Variants in PRKCH observed in about 807,000 individuals in gnomAD.
The protein encoded by PRKCH is protein kinase C eta.
PRKCH carries 28 observed loss-of-function variants against 82.5 expected under a neutral mutation model. That is an observed-to-expected ratio of 0.34 (90% CI 0.25 to 0.47). The LOEUF (loss-of-function observed/expected upper bound fraction) is 0.47. Among genes scored for constraint, PRKCH ranks in the 20% least tolerant of loss-of-function variants. PRKCH has a pLI of 1.00. For synonymous variants in PRKCH, 322 were observed against 327.4 expected (o/e 0.98, Z 0.18); for missense variants, 705 against 881.8 (o/e 0.80, Z 2.54).
At chr14:61,334,751 TA>T (rs1168834613) in intron 1 of PRKCH, among the ~76,000 whole-genome samples, 5 of 152,204 alleles carry the variant, frequency 3.3e-5, no homozygotes, top group Non-Finnish European at 5.9e-5. Context: ...AAAATGGTGC[TA>T]ATGTTTGCTA....
At chr14:61,363,851 G>A (rs1214876010) in intron 1 of PRKCH, among the ~76,000 whole-genome samples, 1 of 151,466 alleles carries the variant, frequency 6.6e-6, no homozygotes, top group Non-Finnish European at 1.5e-5. Context: ...AATGGGTCTG[G>A]AGGTAGAATC....
chr14:61,389,944 C>A (rs1303485115), intron 1 of PRKCH, among the ~76,000 whole-genome samples: 2 of 152,176 alleles, frequency 1.3e-5, no homozygotes, highest in African/African-American at 4.8e-5. Flanking sequence ...AGTGAAACTT[C>A]TCTATATGCC....
intron 2 of PRKCH, among the ~76,000 whole-genome samples, chr14:61,433,061 A>G (rs1441918863): frequency 2.9e-5 from 4 of 138,990 alleles, no homozygotes; most frequent in Non-Finnish European, 4.7e-5. Context: ...AAAAAAAAAA[A>G]CTATCAAAAA....
intron 1 of PRKCH, chr14:61,279,934 C>A: frequency 1.5e-6 from 1 of 671,070 alleles, no homozygotes; most frequent in Non-Finnish European, 2.5e-6. Flanking sequence ...AGCAGCCCCC[C>A]AAGAGCAAGG....
In PRKCH at chr14:61,264,269, C is replaced by G. The variant is rs189957984; in HGVS notation, c.-19+76601C>G. On this transcript the variant is annotated intron_variant, in intron 1 of 3. Coordinates refer to the PRKCH transcript ENST00000555185. ...TTTTATGTTAAACTTTATAATTTTA[C>G]AGTAGTTTAAGTTTACAGGGTTTGC... is the stretch of plus-strand genomic sequence containing the variant. Among the ~76,000 whole-genome samples the G allele has an allele frequency of 6.2e-4, 95 of 152,264 alleles. 3 individuals are homozygous for G. Among genetic ancestry groups the G allele is most frequent in the Non-Finnish European group, 8.8e-5 (6 of 68,018 alleles).
chr14:61,532,333 T>C (rs1375146567), intron 12 of PRKCH, among the ~76,000 whole-genome samples: 3 of 152,218 alleles, frequency 2.0e-5, no homozygotes, highest in Non-Finnish European at 1.5e-5. Context: ...AAAGTCAGTC[T>C]ATGCCTCAAT....
At chr14:61,276,691 A>G (rs1228495379) in intron 1 of PRKCH, among the ~76,000 whole-genome samples, 1 of 56,714 alleles carries the variant, frequency 1.8e-5, no homozygotes, top group African/African-American at 6.9e-5. Context: ...ATGCCCTTGG[A>G]CTTCTTATAT....
intron 9 of PRKCH, among the ~76,000 whole-genome samples, chr14:61,478,227 G>A (rs1056767195): frequency 1.4e-4 from 21 of 152,196 alleles, no homozygotes; most frequent in African/African-American, 5.1e-4. Flanking sequence ...AAACCTGTGA[G>A]TTGGGTTGTC....
At chr14:61,226,948 G>A (rs758156045) in intron 1 of PRKCH, among the ~76,000 whole-genome samples, 1 of 152,006 alleles carries the variant, frequency 6.6e-6, no homozygotes, top group African/African-American at 2.4e-5. Flanking sequence ...CCACTCCTAG[G>A]CTTTTCACAG....
chr14:61,303,679 A>G (rs1166056905), intron 1 of PRKCH: 1 of 151,914 alleles, frequency 6.6e-6, no homozygotes, highest in East Asian at 1.9e-4. Flanking sequence ...TATATTTAAT[A>G]TAATTATTGA....
chr14:61,261,988 G>C (rs973276840), intron 1 of PRKCH, among the ~76,000 whole-genome samples: 1 of 152,120 alleles, frequency 6.6e-6, no homozygotes, highest in Middle Eastern at 3.4e-3. Flanking sequence ...TTGGGAGGCC[G>C]AGGCGGGCAA....
intron 1 of PRKCH, among the ~76,000 whole-genome samples, chr14:61,272,348 T>C (rs1358762104): frequency 5.3e-4 from 7 of 13,148 alleles, no homozygotes; most frequent in Non-Finnish European, 1.4e-3. Flanking sequence ...TTCTTTCTTT[T>C]TTTTTTTTTT....
chr14:61,327,949 T>A (rs1047805460), intron 1 of PRKCH, among the ~76,000 whole-genome samples: 1 of 152,182 alleles, frequency 6.6e-6, no homozygotes, highest in Non-Finnish European at 1.5e-5. Flanking sequence ...TACCAATATG[T>A]GCTTGAAAGA....
chr14:61,457,351 G>A (rs907613297), intron 8 of PRKCH, 32 bp downstream of exon 8: 1 of 1,612,012 alleles, frequency 6.2e-7, no homozygotes, highest in East Asian at 2.2e-5. Context: ...TTGGGTTGAA[G>A]TAAGTGTGCT....
chr14:61,487,551 C>T (rs574996668), intron 10 of PRKCH, among the ~76,000 whole-genome samples: 2 of 152,276 alleles, frequency 1.3e-5, no homozygotes, highest in African/African-American at 2.4e-5. Flanking sequence ...TTGTTCTCCT[C>T]TCCGCGGCTA....
At chr14:61,455,846 A>G (rs77718185) in intron 7 of PRKCH, among the ~76,000 whole-genome samples, 34 of 152,286 alleles carry the variant, frequency 2.2e-4, no homozygotes, top group African/African-American at 7.5e-4. Flanking sequence ...TTAGGTAGCA[A>G]CATCCTCAGG....
rs184492721 is a variant in PRKCH, at chr14:61,484,178, A to T, written c.1279-1324A>T. ...GCACTCATCCTGTGGGCCTTAGCTC[A>T]TGTTTCCCTTGCTCAGAGACGTCGC... On this transcript the variant is annotated intron_variant, in intron 9 of 13. Transcript: ENST00000332981. Among the ~76,000 whole-genome samples, 7 of 151,608 alleles carry T rather than the reference A, an allele frequency of 4.6e-5. No homozygotes were observed. In the East Asian group the frequency reaches 1.2e-3, roughly 25 times the overall value.
At chr14:61,517,272 C>T (rs1345230652) in intron 10 of PRKCH, among the ~76,000 whole-genome samples, 1 of 151,738 alleles carries the variant, frequency 6.6e-6, no homozygotes, top group Non-Finnish European at 1.5e-5. Flanking sequence ...AGGCCGTGCA[C>T]TGGGACAGCA....
chr14:61,363,615 A>T (rs2046258814), intron 1 of PRKCH, among the ~76,000 whole-genome samples: 1 of 152,132 alleles, frequency 6.6e-6, no homozygotes, highest in African/African-American at 2.4e-5. Flanking sequence ...AAAAGTGTCC[A>T]TCTGGCAATT....
Sources: allele counts gnomAD v4.1 joint callset (sites outside exome capture counted in the v4.1 genomes callset), GRCh38; gene constraint gnomAD v4.1.1; transcripts MANE v1.5; gene names NCBI Gene and HGNC (gene_info 2026-07-23, HGNC 2026-07-21).